The following CNTLN variants were observed in gnomAD, a reference collection of about 807,000 sequenced individuals.
CNTLN encodes centlein, also known as centlein, centrosomal protein.
In CNTLN, 212 loss-of-function variants were observed where a neutral mutation model predicts 180.0. The observed-to-expected ratio is 1.18, with a 90% confidence interval of 1.05 to 1.32. The LOEUF (loss-of-function observed/expected upper bound fraction) is 1.32, where lower values mean the gene tolerates loss of function less well. Among genes scored for constraint, CNTLN ranks in the 40% most tolerant of loss-of-function variants. CNTLN has a pLI of 0.00. For synonymous variants in CNTLN, 722 were observed against 563.1 expected, an observed-to-expected ratio of 1.28 and a Z score of -3.99; for missense variants, 2,095 against 1,610.9, an observed-to-expected ratio of 1.30 and a Z score of -5.14.
At chr9:17,317,327 T>C (rs925959296) in intron 8 of CNTLN, among the ~76,000 whole-genome samples, 1 of 152,170 alleles carries the variant, frequency 6.6e-6, no homozygotes, top group African/African-American at 2.4e-5. Context: ...GGTAAATAGA[T>C]AAATAGAAAA....
intron 6 of CNTLN, among the ~76,000 whole-genome samples, chr9:17,293,303 G>C (rs868321093): frequency 6.6e-6 from 1 of 152,248 alleles, no homozygotes; most frequent in Non-Finnish European, 1.5e-5. Flanking sequence ...CCTTGGCGGA[G>C]CGGGTGCGCT....
intron 5 of CNTLN, among the ~76,000 whole-genome samples, chr9:17,267,640 A>G (rs1004878726): frequency 6.6e-6 from 1 of 152,118 alleles, no homozygotes; most frequent in Admixed American, 6.5e-5. Context: ...GTGTTTTCCA[A>G]CTTGGTTCCA....
chr9:17,375,594 C>G (rs1320542252), intron 13 of CNTLN, among the ~76,000 whole-genome samples: 1 of 151,882 alleles, frequency 6.6e-6, no homozygotes, highest in African/African-American at 2.4e-5. Flanking sequence ...TAAAGTTTTC[C>G]TAGTTTTGTT....
At chr9:17,259,311 C>T (rs1487267399) in intron 5 of CNTLN, among the ~76,000 whole-genome samples, 1 of 141,088 alleles carries the variant, frequency 7.1e-6, no homozygotes, top group East Asian at 2.0e-4. Context: ...AGCCTTGCAT[C>T]CCAGGGATGA....
intron 12 of CNTLN, among the ~76,000 whole-genome samples, chr9:17,343,471 T>C (rs964890138): frequency 1.1e-4 from 16 of 152,188 alleles, no homozygotes; most frequent in African/African-American, 3.9e-4. Context: ...GCCTTTTCCA[T>C]GTAATGATAA....
At chr9:17,453,093 C>T (rs1314899045) in intron 18 of CNTLN, among the ~76,000 whole-genome samples, 1 of 152,078 alleles carries the variant, frequency 6.6e-6, no homozygotes, top group Non-Finnish European at 1.5e-5. Flanking sequence ...GGGAGGATTG[C>T]TTGAGGCCAG....
At chr9:17,311,451 G>GTTTTTT (rs112794584) in intron 8 of CNTLN, among the ~76,000 whole-genome samples, 9 of 133,812 alleles carry the variant, frequency 6.7e-5, no homozygotes, top group South Asian at 2.4e-4. Flanking sequence ...GGGTTTTTCT[G>GTTTTTT]TTTTTTTTTT....
At chr9:17,525,490 G>A in the CNTLN span, among the ~76,000 whole-genome samples, 2 of 152,110 alleles carry the variant, frequency 1.3e-5, no homozygotes, top group African/African-American at 4.8e-5. Context: ...AATGTTGTTA[G>A]CATAACATTT....
chr9:17,246,336 G>A (rs1217975954), intron 5 of CNTLN, among the ~76,000 whole-genome samples: 1 of 152,050 alleles, frequency 6.6e-6, no homozygotes, highest in South Asian at 2.1e-4. Context: ...TGTGATATCC[G>A]GGAGAATTTC....
chr9:17,486,624 T>C (rs1215391153), intron 24 of CNTLN, among the ~76,000 whole-genome samples: 1 of 152,130 alleles, frequency 6.6e-6, no homozygotes, highest in African/African-American at 2.4e-5. Flanking sequence ...TTTTGGAATA[T>C]TAGGTTTTGT....
chr9:17,301,463 C>G, intron 7 of CNTLN: 1 of 985,218 alleles, frequency 1.0e-6, no homozygotes, highest in Non-Finnish European at 1.2e-6. Context: ...CTTACTTTTC[C>G]TTGTGTTTAG....
chr9:17,409,614 C>T (rs975781093), intron 16 of CNTLN, 141 bp downstream of exon 16: 5 of 593,572 alleles, frequency 8.4e-6, no homozygotes, highest in Non-Finnish European at 1.4e-5. Context: ...TGAAAATATT[C>T]ACTTTTAAAT....
chr9:17,526,598 TCTCTTTTA>T, the CNTLN span, among the ~76,000 whole-genome samples: 1 of 152,178 alleles, frequency 6.6e-6, no homozygotes, highest in South Asian at 2.1e-4. Context: ...CAAATATTTT[TCTCTTTTA>T]CTCATAAAGG....
downstream of CNTLN, among the ~76,000 whole-genome samples, chr9:17,507,954 G>A (rs1465702099): frequency 6.6e-6 from 1 of 152,134 alleles, no homozygotes; most frequent in East Asian, 1.9e-4. Flanking sequence ...AGAAGGTGGT[G>A]CCCCTGCCTT....
At chr9:17,218,178 T>G (rs1823889990) in intron 2 of CNTLN, among the ~76,000 whole-genome samples, 1 of 152,166 alleles carries the variant, frequency 6.6e-6, no homozygotes, top group African/African-American at 2.4e-5. Context: ...TACTGGAAAT[T>G]AAATATAATA....
At chr9:17,421,172 CTAT>C (rs530342363) in intron 18 of CNTLN, among the ~76,000 whole-genome samples, 50 of 152,198 alleles carry the variant, frequency 3.3e-4, no homozygotes, top group Middle Eastern at 3.4e-3. Context: ...AGATCTCCAG[CTAT>C]TATTGTATTG....
intron 12 of CNTLN, among the ~76,000 whole-genome samples, chr9:17,346,866 G>A (rs1361153578): frequency 6.6e-6 from 1 of 152,114 alleles, no homozygotes; most frequent in Non-Finnish European, 1.5e-5. Context: ...GATCTTTTAT[G>A]ATTGTCCTAC....
rs371040359 is a variant in CNTLN, at chr9:17,409,466, C to T, written c.2789C>T (p.Thr930Ile). The T allele has an allele frequency of 3.1e-6, 5 of 1,590,976 alleles. No homozygotes were observed. The highest frequency in any genetic ancestry group is 4.3e-6 in the Non-Finnish European group (5 of 1,172,552). Residue 930 changes from threonine to isoleucine, a missense_variant, in exon 16 of 26, where the codon ACC (threonine) becomes ATC (isoleucine). Physicochemically the swap from Thr to Ile is moderately conservative, Grantham distance 89. Coordinates refer to ENST00000380647, the MANE Select transcript of CNTLN (RefSeq NM_017738.4). ...ACATATTTAAATATAGATGGCAAGACCCCAAAGGTAAATGACATGATTTTG... is the reference window on the plus strand; with the variant it reads ...ACATATTTAAATATAGATGGCAAGATCCCAAAGGTAAATGACATGATTTTG... ...VQTYLNIDGK[T>I]PKDYFHDKNA... is the part of the protein sequence containing the mutation.
intron 2 of CNTLN, among the ~76,000 whole-genome samples, chr9:17,183,631 A>G (rs953342813): frequency 6.6e-5 from 10 of 152,076 alleles, no homozygotes; most frequent in African/African-American, 2.4e-4. Context: ...AGTCTTGCCT[A>G]TTCCTTTCAA....
Sources: allele counts gnomAD v4.1 joint callset (sites outside exome capture counted in the v4.1 genomes callset), GRCh38; gene constraint gnomAD v4.1.1; transcripts MANE v1.5; gene names NCBI Gene and HGNC (gene_info 2026-07-23, HGNC 2026-07-21).